SLC7A14: variants seen among roughly 807,000 people sequenced by gnomAD.
The protein encoded by SLC7A14 is gamma-aminobutyric acid transporter SLC7A14.
A neutral mutation model predicts 60.2 loss-of-function variants in SLC7A14; 37 were observed. The observed-to-expected ratio is 0.61, with a 90% CI of 0.47 to 0.81. The LOEUF (loss-of-function observed/expected upper bound fraction) is 0.81. SLC7A14 is among the 30% of genes least tolerant of loss of function. SLC7A14 has a pLI of 0.00. For synonymous variants in SLC7A14, 399 were observed against 395.8 expected (o/e 1.01, Z -0.10); for missense variants, 886 against 982.7 (o/e 0.90, Z 1.32).
chr3:170,568,489 G>A (rs1178591679), intron 1 of SLC7A14, among the ~76,000 whole-genome samples: 1 of 152,224 alleles, frequency 6.6e-6, no homozygotes, highest in African/African-American at 2.4e-5. Context: ...ACTTGGCGAT[G>A]TGGGCTCTTT....
intron 2 of SLC7A14, among the ~76,000 whole-genome samples, chr3:170,514,326 G>A (rs1430342199): frequency 6.6e-6 from 1 of 152,230 alleles, no homozygotes; most frequent in Admixed American, 6.5e-5. Flanking sequence ...CTTTTCATGA[G>A]TTTTCATCAA....
At chr3:170,471,015 T>C (rs867342367) in intron 7 of SLC7A14, among the ~76,000 whole-genome samples, 1 of 152,150 alleles carries the variant, frequency 6.6e-6, no homozygotes, top group African/African-American at 2.4e-5. Context: ...GTTGCACCTT[T>C]GTCCCAAAGA....
chr3:170,483,497 A>G lies in SLC7A14; in HGVS notation c.932T>C (p.Val311Ala). Residue 311 changes from valine (V) to alanine (A), a missense_variant, in exon 6 of 8, where the codon GTG becomes GCG. Physicochemically the swap from Val to Ala is moderately conservative, Grantham distance 64. Coordinates refer to ENST00000231706, the MANE Select transcript of SLC7A14 (RefSeq NM_020949.3). ...VSVSVILTLM[V>A]PYYTIDTESP... ...TTCCGTGTCAATGGTATAATATGGC[A>G]CCATCAGAGTTAAGATCACGCTCAC... 3 of 1,614,198 alleles carry G rather than the reference A, an allele frequency of 1.9e-6. No individual in the cohort carries two copies. The highest frequency in any genetic ancestry group is 2.5e-6 in the Non-Finnish European group (3 of 1,180,036).
At position 170,527,159 on chromosome 3, in the gene SLC7A14, T is replaced by G. The variant is rs73882033; in HGVS notation, c.-152-71A>C. On this transcript the variant is annotated intron_variant, in intron 1 of 7. Transcript: ENST00000231706. ...ACAAACCTTGACTTGCGGGGATGGT[T>G]GGAGGTTAATGTCCTGAACTGGTAG... The G allele has an allele frequency of 6.8e-3, 3,979 of 581,008 alleles. 118 individuals carry two copies. Among genetic ancestry groups the G allele is most frequent in the African/African-American group, 0.064 (3,442 of 53,618 alleles). 36.0% of individuals were successfully genotyped at this position (581,008 alleles called of 1,614,324 possible). A position where few individuals can be genotyped will look rare whatever the true frequency, so the allele number is the denominator to read the frequency against.
At chr3:170,496,913 C>T (rs1165055991) in intron 4 of SLC7A14, among the ~76,000 whole-genome samples, 1 of 152,042 alleles carries the variant, frequency 6.6e-6, no homozygotes, top group Non-Finnish European at 1.5e-5. Context: ...CCCAGCCTGC[C>T]TCTACTGTGG....
intron 2 of SLC7A14, among the ~76,000 whole-genome samples, chr3:170,513,799 G>C (rs1713062680): frequency 6.6e-6 from 1 of 152,152 alleles, no homozygotes. Context: ...TTGCACTGTG[G>C]TGTTGGCCTT....
chr3:170,484,659 C>T (rs941440972), intron 5 of SLC7A14, among the ~76,000 whole-genome samples: 3 of 152,142 alleles, frequency 2.0e-5, no homozygotes, highest in Admixed American at 6.6e-5. Context: ...GAGCCAAGGG[C>T]CACCAAGGAG....
In SLC7A14 at chr3:170,526,667, G is replaced by A. The variant is rs749253458; in HGVS notation, c.270C>T (p.Ser90=). 1 of 1,614,220 alleles carries A rather than the reference G, an allele frequency of 6.2e-7. No homozygotes were observed. ...KEMAGPGVIV[S]FIIAAVASIL... is the part of the protein sequence containing the mutation. ...TGGATGCGACGGCTGCAATGATGAA[G>A]GACACAATGACACCAGGTCCTGCCA... Residue 90 remains serine, a synonymous_variant, in exon 2 of 8, where the codon TCC becomes TCT. Transcript: ENST00000231706.
chr3:170,526,907 G>A lies in SLC7A14; in HGVS notation c.30C>T (p.Pro10=). Residue 10 remains proline (P), a synonymous_variant, in exon 2 of 8, where the codon CCC becomes CCT. Transcript: ENST00000231706. MSGFFTSLD[P]RRVQWGAAWY... ...AGGCAGCTCCCCACTGCACCCGCCG[G>A]GGGTCCAGCGAGGTGAAGAAGCCAC... is the stretch of plus-strand genomic sequence containing the variant. The A allele has an allele frequency of 6.2e-7, 1 of 1,613,676 alleles. No homozygotes were observed. The highest frequency in any genetic ancestry group is 2.2e-5 in the East Asian group (1 of 44,860).
intron 4 of SLC7A14, chr3:170,495,898 A>T: frequency 7.0e-7 from 1 of 1,420,638 alleles, no homozygotes; most frequent in Non-Finnish European, 9.9e-7. Flanking sequence ...GCTCTGGGCT[A>T]GGAGAAGCTG....
At chr3:170,584,946 G>C (rs996568742) in intron 1 of SLC7A14, among the ~76,000 whole-genome samples, 1 of 152,206 alleles carries the variant, frequency 6.6e-6, no homozygotes, top group African/African-American at 2.4e-5. Context: ...GTGGGGGGAT[G>C]AGGAGTGCCA....
intron 2 of SLC7A14, among the ~76,000 whole-genome samples, chr3:170,511,281 C>A (rs893827802): frequency 1.3e-5 from 2 of 152,038 alleles, no homozygotes; most frequent in Non-Finnish European, 2.9e-5. Flanking sequence ...CCTGTAATCC[C>A]AGCTACTTGG....
chr3:170,499,976 C>T (rs1276141762), intron 3 of SLC7A14, among the ~76,000 whole-genome samples: 1 of 152,172 alleles, frequency 6.6e-6, no homozygotes, highest in Non-Finnish European at 1.5e-5. Flanking sequence ...ATATTTTTAT[C>T]TTGTCATGGT....
intron 1 of SLC7A14, among the ~76,000 whole-genome samples, chr3:170,538,821 A>C (rs1713927122): frequency 6.6e-6 from 1 of 152,220 alleles, no homozygotes; most frequent in African/African-American, 2.4e-5. Flanking sequence ...CCCACTGACC[A>C]TAAAGATTCC....
chr3:170,471,090 GGTGT>G (rs113891859), intron 7 of SLC7A14, among the ~76,000 whole-genome samples: 4,686 of 146,420 alleles, frequency 0.032, 97 homozygotes, highest in Non-Finnish European at 0.042. Flanking sequence ...TCTGGGAAGG[GGTGT>G]GTGTGTGTGT....
intron 1 of SLC7A14, among the ~76,000 whole-genome samples, chr3:170,580,315 A>G (rs907637086): frequency 1.1e-4 from 17 of 152,210 alleles, no homozygotes; most frequent in African/African-American, 4.1e-4. Flanking sequence ...GGGATCTACA[A>G]TTAGAGAAAT....
At chr3:170,543,563 C>T (rs1469815308) in intron 1 of SLC7A14, among the ~76,000 whole-genome samples, 7 of 151,536 alleles carry the variant, frequency 4.6e-5, no homozygotes, top group Admixed American at 6.6e-5. Context: ...GCAGGAGAAT[C>T]GCTTGAACCC....
At chr3:170,483,878 C>G (rs987929362) in intron 5 of SLC7A14, among the ~76,000 whole-genome samples, 2 of 152,188 alleles carry the variant, frequency 1.3e-5, no homozygotes, top group Non-Finnish European at 2.9e-5. Context: ...AGCCAATGCC[C>G]TGCAACCAGG....
intron 7 of SLC7A14, among the ~76,000 whole-genome samples, chr3:170,474,552 G>T (rs1057270854): frequency 2.0e-5 from 3 of 151,824 alleles, no homozygotes; most frequent in Admixed American, 6.6e-5. Flanking sequence ...GGAAGAGCCC[G>T]TTTTTTTTTC....
Sources: gnomAD v4.1 joint callset for allele counts (sites outside exome capture counted in the v4.1 genomes callset) on GRCh38, gnomAD v4.1.1 for gene constraint, MANE v1.5 for transcripts, NCBI Gene and HGNC (gene_info 2026-07-23, HGNC 2026-07-21) for gene names.